Variants in NRXN3 observed in about 807,000 individuals in gnomAD.
NRXN3 encodes the protein neurexin III.
A neutral mutation model predicts 137.6 loss-of-function variants in NRXN3; 32 were observed. That is an observed-to-expected ratio of 0.23 (90% CI 0.18 to 0.31). The LOEUF (loss-of-function observed/expected upper bound fraction) is 0.31. NRXN3 is among the 10% of genes least tolerant of loss of function. The pLI is 1.00. For synonymous variants in NRXN3, 798 were observed against 784.5 expected, an observed-to-expected ratio of 1.02 and a Z score of -0.29; for missense variants, 1,574 against 2,062.5, an observed-to-expected ratio of 0.76 and a Z score of 4.59.
Position 78,715,152 on chromosome 14 carries a change from A to T in NRXN3, c.2044+13A>T, listed in dbSNP as rs1447414266. ...ACCTGCGAAAGGGGTGAGTCGGCCT[A>T]GAGGATGGCAAGTGAGGGCCTGAGT... On this transcript the variant is annotated intron_variant, in intron 8 of 20. Coordinates refer to ENST00000335750, the MANE Select transcript of NRXN3 (RefSeq NM_001330195.2). 1.4e-5 allele frequency: 23 copies of T among 1,597,992 alleles called. No individual in the cohort carries two copies. In the South Asian group the frequency reaches 2.3e-4, roughly 16 times the overall value.
chr14:79,589,892 G>C (rs76145670), intron 16 of NRXN3, among the ~76,000 whole-genome samples: 16,816 of 152,182 alleles, frequency 0.11, 1,068 homozygotes, highest in South Asian at 0.23. Flanking sequence ...AAAAGCTATT[G>C]AATGACTGTG....
chr14:78,958,678 T>C (rs2099402079), intron 11 of NRXN3, among the ~76,000 whole-genome samples: 1 of 152,200 alleles, frequency 6.6e-6, no homozygotes, highest in South Asian at 2.1e-4. Context: ...CTTATAAGTC[T>C]TCCCTCTCTG....
chr14:78,981,810 A>G (rs1381482514), intron 14 of NRXN3, among the ~76,000 whole-genome samples: 1 of 152,188 alleles, frequency 6.6e-6, no homozygotes, highest in African/African-American at 2.4e-5. Context: ...CTCCCCCAAG[A>G]CATGTTTTTC....
intron 4 of NRXN3, among the ~76,000 whole-genome samples, chr14:78,485,085 A>G (rs1053749023): frequency 2.0e-5 from 3 of 152,176 alleles, no homozygotes; most frequent in Non-Finnish European, 4.4e-5. Context: ...CAGAGTCTCA[A>G]GGCTACAGTA....
chr14:78,645,655 C>T (rs1240212579), intron 5 of NRXN3, among the ~76,000 whole-genome samples: 1 of 151,524 alleles, frequency 6.6e-6, no homozygotes, highest in Non-Finnish European at 1.5e-5. Flanking sequence ...AAAAAAACAA[C>T]TCAGTTGTAT....
At chr14:79,537,148 C>T (rs1249019017) in intron 16 of NRXN3, among the ~76,000 whole-genome samples, 3 of 152,096 alleles carry the variant, frequency 2.0e-5, no homozygotes, top group Non-Finnish European at 4.4e-5. Context: ...TAATAATCAC[C>T]ATTCTGACTG....
At chr14:78,888,605 G>A (rs574120415) in intron 10 of NRXN3, among the ~76,000 whole-genome samples, 98 of 151,892 alleles carry the variant, frequency 6.5e-4, no homozygotes, top group Non-Finnish European at 1.1e-3. Context: ...TCCCTGGTTC[G>A]TTCCTCACCC....
intron 4 of NRXN3, among the ~76,000 whole-genome samples, chr14:78,540,651 T>G (rs2096581256): frequency 6.6e-6 from 1 of 152,164 alleles, no homozygotes; most frequent in African/African-American, 2.4e-5. Context: ...TGAATTTGAT[T>G]CTGTCATTAT....
rs536225026 is a variant in NRXN3, at chr14:79,642,995, C to A, written c.3445-20783C>A. 4.4e-5 allele frequency among the ~76,000 whole-genome samples: 6 copies of A among 135,986 alleles called. 1 individual carries two copies. The highest frequency in any genetic ancestry group is 1.5e-4 in the African/African-American group (6 of 40,928). 89.2% of individuals were successfully genotyped at this position (135,986 alleles called of 152,430 possible). ...TCCTCTGAGTAGAAGACTCTGCCAG[C>A]AGAACAAAATTCTTCTGTTAGCTAA... On this transcript the variant is annotated intron_variant, in intron 16 of 20. Transcript: ENST00000335750.
intron 4 of NRXN3, among the ~76,000 whole-genome samples, chr14:78,449,670 A>G (rs925673811): frequency 6.6e-6 from 1 of 152,252 alleles, no homozygotes; most frequent in South Asian, 2.1e-4. Flanking sequence ...CATGAGCATT[A>G]ATATCTCCAT....
chr14:78,220,536 G>A (rs1312616917), intron 1 of NRXN3, among the ~76,000 whole-genome samples: 1 of 152,160 alleles, frequency 6.6e-6, no homozygotes. Context: ...AGAGGATGAG[G>A]ATAGAAAGGG....
chr14:78,785,970 C>A (rs1409781418), intron 8 of NRXN3, among the ~76,000 whole-genome samples: 1 of 152,064 alleles, frequency 6.6e-6, no homozygotes, highest in Non-Finnish European at 1.5e-5. Context: ...ATGCTGTTTA[C>A]AGTCAAAATG....
In NRXN3 at chr14:79,144,321, G is replaced by T. The variant is rs73326704; in HGVS notation, c.3262+156180G>T. Among the ~76,000 whole-genome samples the T allele has an allele frequency of 8.1e-3, 1,227 of 152,248 alleles. 12 individuals carry two copies. The highest frequency in any genetic ancestry group is 0.028 in the African/African-American group (1,150 of 41,536). On this transcript the variant is annotated intron_variant, in intron 15 of 20. Transcript: ENST00000335750. Reference sequence around the variant, plus strand: ...ACTTGAGGTTGAATGCCTTGCTAAAGGTTTTTAGTGCAACTCTGCTTTGCT... The same window carrying T: ...ACTTGAGGTTGAATGCCTTGCTAAATGTTTTTAGTGCAACTCTGCTTTGCT...
intron 16 of NRXN3, among the ~76,000 whole-genome samples, chr14:79,527,020 CT>C (rs2097126532): frequency 6.6e-6 from 1 of 152,184 alleles, no homozygotes; most frequent in Non-Finnish European, 1.5e-5. Context: ...GGCACAGTGG[CT>C]CACGCCTGTA....
At chr14:78,319,620 T>TATGGGCTTGGGTGACTCCC (rs1242018795) in intron 4 of NRXN3, among the ~76,000 whole-genome samples, 9 of 152,190 alleles carry the variant, frequency 5.9e-5, no homozygotes, top group African/African-American at 2.2e-4. Flanking sequence ...TGGTGGTTGC[T>TATGGGCTTGGGTGACTCCC]ATGGGCTTGG....
At chr14:79,831,061 C>CT (rs2099321777) in intron 20 of NRXN3, among the ~76,000 whole-genome samples, 2 of 134,460 alleles carry the variant, frequency 1.5e-5, no homozygotes, top group African/African-American at 5.0e-5. Context: ...ATCGACAGTC[C>CT]TATTAGAGAT....
intron 8 of NRXN3, among the ~76,000 whole-genome samples, chr14:78,788,310 C>T (rs1394168727): frequency 1.3e-5 from 2 of 152,140 alleles, no homozygotes; most frequent in Non-Finnish European, 2.9e-5. Flanking sequence ...GATATTTTCA[C>T]ATTCATACTT....
At chr14:79,054,842 CA>C (rs2099654094) in intron 15 of NRXN3, among the ~76,000 whole-genome samples, 1 of 152,170 alleles carries the variant, frequency 6.6e-6, no homozygotes, top group African/African-American at 2.4e-5. Flanking sequence ...CTTTCTGAAA[CA>C]GTCTCCTACT....
chr14:79,688,451 G>A (rs996552964), intron 17 of NRXN3, among the ~76,000 whole-genome samples: 4 of 152,108 alleles, frequency 2.6e-5, no homozygotes, highest in African/African-American at 9.7e-5. Flanking sequence ...TAAGCGCAGT[G>A]TTGTAAAAGT....
Sources: gnomAD v4.1 joint callset for allele counts (sites outside exome capture counted in the v4.1 genomes callset) on GRCh38, gnomAD v4.1.1 for gene constraint, MANE v1.5 for transcripts, NCBI Gene and HGNC (gene_info 2026-07-23, HGNC 2026-07-21) for gene names.